AKAP6: variants seen among roughly 807,000 people sequenced by gnomAD.
AKAP6 encodes A-kinase anchor protein 6.
AKAP6 carries 58 observed loss-of-function variants against 188.5 expected under a neutral mutation model. The observed-to-expected ratio is 0.31, with a 90% CI of 0.25 to 0.38. The LOEUF is 0.38. AKAP6 is among the 10% of genes least tolerant of loss of function. The pLI, the probability that AKAP6 is intolerant of heterozygous loss-of-function variation, is 1.00. For missense variants in AKAP6, 2,710 were observed against 2,740.0 expected (o/e 0.99, Z 0.24); for synonymous variants, 989 against 998.6 (o/e 0.99, Z 0.18).
intron 12 of AKAP6, among the ~76,000 whole-genome samples, chr14:32,802,069 T>C (rs1361552692): frequency 2.0e-5 from 3 of 152,226 alleles, no homozygotes; most frequent in African/African-American, 7.2e-5. Flanking sequence ...TCAAATATTC[T>C]ACTCCATCCT....
intron 1 of AKAP6, among the ~76,000 whole-genome samples, chr14:32,364,729 T>C (rs915583760): frequency 6.6e-6 from 1 of 152,114 alleles, no homozygotes; most frequent in African/African-American, 2.4e-5. Context: ...TTGAGAAGGA[T>C]TTTTTAATCA....
chr14:32,755,903 T>C (rs1424802928), intron 11 of AKAP6, among the ~76,000 whole-genome samples: 3 of 152,216 alleles, frequency 2.0e-5, no homozygotes, highest in Non-Finnish European at 2.9e-5. Flanking sequence ...CTCTGATTAT[T>C]TGTGATCCTT....
At chr14:32,632,165 T>C (rs1477843091) in intron 7 of AKAP6, among the ~76,000 whole-genome samples, 5 of 152,060 alleles carry the variant, frequency 3.3e-5, no homozygotes, top group African/African-American at 1.2e-4. Flanking sequence ...ACTATACTTT[T>C]CCTTTCTTGT....
chr14:32,554,199 G>T (rs112076763), intron 4 of AKAP6, among the ~76,000 whole-genome samples: 2,005 of 152,298 alleles, frequency 0.013, 51 homozygotes, highest in African/African-American at 0.046. Flanking sequence ...TTTGTCTGTG[G>T]CTGCTTTTGT....
chr14:32,558,952 A>G (rs1883809388), intron 4 of AKAP6, among the ~76,000 whole-genome samples: 3 of 152,334 alleles, frequency 2.0e-5, no homozygotes, highest in African/African-American at 4.8e-5. Context: ...CCTCTAAGCT[A>G]TGAATATTGG....
intron 1 of AKAP6, among the ~76,000 whole-genome samples, chr14:32,352,102 TTTGTG>T (rs1887300004): frequency 8.2e-5 from 8 of 96,980 alleles, no homozygotes; most frequent in Admixed American, 3.0e-4. Flanking sequence ...TGTGTGTGTG[TTTGTG>T]TGTGTGTGTG....
At chr14:32,767,244 G>A (rs1245590211) in intron 11 of AKAP6, among the ~76,000 whole-genome samples, 1 of 152,112 alleles carries the variant, frequency 6.6e-6, no homozygotes, top group African/African-American at 2.4e-5. Flanking sequence ...AACACTAGGT[G>A]ATATTTTGTT....
At chr14:32,571,990 G>GA (rs1217322089) in intron 4 of AKAP6, among the ~76,000 whole-genome samples, 1 of 152,086 alleles carries the variant, frequency 6.6e-6, no homozygotes, top group Non-Finnish European at 1.5e-5. Context: ...TTCTGTTTTA[G>GA]AAAAAAACAA....
At chr14:32,692,886 A>G (rs550882335) in intron 8 of AKAP6, among the ~76,000 whole-genome samples, 1 of 152,290 alleles carries the variant, frequency 6.6e-6, no homozygotes, top group African/African-American at 2.4e-5. Context: ...ACACTTTCCT[A>G]GAAAAGCAAG....
chr14:32,577,096 TC>T (rs1566584992), intron 4 of AKAP6, 23 bp from the exon 5 acceptor site: 6 of 1,590,454 alleles, frequency 3.8e-6, no homozygotes, highest in Admixed American at 1.9e-5. Context: ...CCCCTTTTTT[TC>T]CCCTTTTCTT....
chr14:32,725,000 A>C lies in AKAP6; in HGVS notation c.3001-7454A>C, dbSNP rs559488341. Among the ~76,000 whole-genome samples, 22 of 148,330 alleles carry C rather than the reference A, an allele frequency of 1.5e-4. No homozygotes were observed. The East Asian group carries it at 4.0e-3, about 27-fold the overall frequency. ...CATTTATATTCAACCTAAAAAAAAA[A>C]AAAAAAAAAAAAAAAAACAATTTTC... On this transcript the variant is annotated intron_variant, in intron 9 of 13. Transcript: ENST00000280979.
chr14:32,396,174 T>G (rs1888872019), intron 1 of AKAP6, among the ~76,000 whole-genome samples: 1 of 152,130 alleles, frequency 6.6e-6, no homozygotes, highest in Non-Finnish European at 1.5e-5. Flanking sequence ...GTTTTTCCTT[T>G]TCACTTACTT....
At chr14:32,370,531 C>A (rs911643382) in intron 1 of AKAP6, among the ~76,000 whole-genome samples, 2 of 152,204 alleles carry the variant, frequency 1.3e-5, no homozygotes, top group Non-Finnish European at 2.9e-5. Context: ...CAGAGCTCTG[C>A]AGTGTCTTTT....
intron 12 of AKAP6, among the ~76,000 whole-genome samples, chr14:32,821,136 C>T (rs2034508358): frequency 6.6e-6 from 1 of 152,134 alleles, no homozygotes; most frequent in Non-Finnish European, 1.5e-5. Context: ...ATGGCTAATT[C>T]CATAAATTAC....
intron 11 of AKAP6, among the ~76,000 whole-genome samples, chr14:32,771,151 G>A (rs1287854480): frequency 6.6e-6 from 1 of 151,944 alleles, no homozygotes; most frequent in East Asian, 1.9e-4. Flanking sequence ...TGTCATGGAA[G>A]CCCATTTATG....
intron 2 of AKAP6, among the ~76,000 whole-genome samples, chr14:32,515,175 C>A (rs913258255): frequency 2.0e-5 from 3 of 152,180 alleles, no homozygotes; most frequent in African/African-American, 7.2e-5. Context: ...TGCATGGCGG[C>A]AGGCAAGAGA....
At chr14:32,522,803 C>G (rs1881914601) in intron 2 of AKAP6, among the ~76,000 whole-genome samples, 2 of 152,088 alleles carry the variant, frequency 1.3e-5, no homozygotes, top group South Asian at 4.1e-4. Context: ...GGATCTAGAA[C>G]TAGAAATACC....
At chr14:32,773,164 C>CT (rs147021404) in intron 11 of AKAP6, among the ~76,000 whole-genome samples, 9 of 151,440 alleles carry the variant, frequency 5.9e-5, no homozygotes, top group South Asian at 4.2e-4. Flanking sequence ...TATTGCTTAT[C>CT]TTTTTTTTTC....
At chr14:32,702,476 T>C (rs749997732) in intron 9 of AKAP6, among the ~76,000 whole-genome samples, 16 of 151,882 alleles carry the variant, frequency 1.1e-4, no homozygotes, top group Non-Finnish European at 2.2e-4. Context: ...AAAAAGTAGA[T>C]GAATGTGGTT....
Sources: gnomAD v4.1 joint callset for allele counts (sites outside exome capture counted in the v4.1 genomes callset) on GRCh38, gnomAD v4.1.1 for gene constraint, MANE v1.5 for transcripts, NCBI Gene and HGNC (gene_info 2026-07-23, HGNC 2026-07-21) for gene names.